RPL24: variants seen among roughly 807,000 people sequenced by gnomAD.
RPL24 encodes ribosomal protein L24, also known as large ribosomal subunit protein eL24.
A neutral mutation model predicts 26.4 loss-of-function variants in RPL24; 7 were observed. The observed-to-expected ratio is 0.27, with a 90% CI of 0.15 to 0.50. The LOEUF is 0.50. RPL24 is among the 20% of genes least tolerant of loss of function. The pLI, the probability that RPL24 is intolerant of heterozygous loss-of-function variation, is 0.98. For missense variants in RPL24, 109 were observed against 194.9 expected, an observed-to-expected ratio of 0.56 and a Z score of 2.62; for synonymous variants, 67 against 65.2, an observed-to-expected ratio of 1.03 and a Z score of -0.13.
chr3:101,686,687 C>G lies in RPL24; in HGVS notation c.-11G>C. 1 of 1,614,172 alleles carries G rather than the reference C, an allele frequency of 6.2e-7. No homozygotes were observed. The highest frequency in any genetic ancestry group is 8.5e-7 in the Non-Finnish European group (1 of 1,180,016). The stretch of plus-strand genomic sequence containing the variant: ...TCGTGCTTACTTCATGGCGACAGCT[C>G]CACGGAAAGACAAAAGATGGCGAAA... On this transcript the variant is annotated 5_prime_UTR_variant, in exon 1 of 6. Transcript: ENST00000394077.
At chr3:101,684,444 AGG>A (rs1433105174) in intron 3 of RPL24, among the ~76,000 whole-genome samples, 1 of 152,166 alleles carries the variant, frequency 6.6e-6, no homozygotes, top group African/African-American at 2.4e-5. Context: ...CTGGGATTAC[AGG>A]CATGTAAGCC....
chr3:101,684,326 C>T lies in RPL24; in HGVS notation c.193-1419G>A, dbSNP rs551836748. Reference sequence around the variant, plus strand: ...GACTACAGGCACCTGCCACCATGTCCGGCTAATTTTTTTTTGTATTTTTAG... The same window carrying T: ...GACTACAGGCACCTGCCACCATGTCTGGCTAATTTTTTTTTGTATTTTTAG... On this transcript the variant is annotated intron_variant, in intron 3 of 5. Coordinates refer to ENST00000394077, the MANE Select transcript of RPL24 (RefSeq NM_000986.4). Among the ~76,000 whole-genome samples, 64 of 152,026 alleles carry T rather than the reference C, an allele frequency of 4.2e-4. 3 individuals are homozygous for T. In the East Asian group the frequency reaches 0.011, roughly 27 times the overall value.
At chr3:101,686,163 C>T in intron 2 of RPL24, 1 of 577,280 alleles carries the variant, frequency 1.7e-6, no homozygotes, top group East Asian at 2.8e-5. Flanking sequence ...TAGCAAAGGA[C>T]AGGGTGGTGC....
At position 101,686,514 on chromosome 3, in the gene RPL24, G is replaced by A. The variant is rs1937345009; in HGVS notation, c.49C>T (p.His17Tyr). 2 of 1,614,212 alleles carry A rather than the reference G, an allele frequency of 1.2e-6. No homozygotes were observed. Among genetic ancestry groups the A allele is most frequent in the Non-Finnish European group, 1.7e-6 (2 of 1,180,020 alleles). Residue 17 changes from histidine to tyrosine, a missense_variant, in exon 2 of 6, where the codon CAC becomes TAC. His to Tyr is a moderately conservative substitution (Grantham distance 83). This residue lies in a region of RPL24 where 69 missense variants were observed against 96.2 expected (regional missense o/e 0.72). Transcript: ENST00000394077. Reference sequence around the variant, plus strand: ...TCGGTCCTGGCGTAGCGCCTCCCGTGTCCGGGGTAGATCTTGTACCCGCTA... The same window carrying A: ...TCGGTCCTGGCGTAGCGCCTCCCGTATCCGGGGTAGATCTTGTACCCGCTA... ...SFSGYKIYPG[H>Y]GRRYARTDGK...
chr3:101,686,110 C>G, intron 2 of RPL24, 182 bp from the exon 3 acceptor site: 1 of 585,622 alleles, frequency 1.7e-6, no homozygotes, highest in Non-Finnish European at 3.0e-6. Flanking sequence ...CTATGAAGGT[C>G]CTTGCGTTTA....
intron 3 of RPL24, among the ~76,000 whole-genome samples, chr3:101,685,356 T>C (rs989990985): frequency 2.0e-5 from 3 of 152,216 alleles, no homozygotes. Flanking sequence ...ATACTAGTCC[T>C]ACCATGGCAC....
At chr3:101,684,134 C>T (rs1001270862) in intron 3 of RPL24, among the ~76,000 whole-genome samples, 1 of 151,824 alleles carries the variant, frequency 6.6e-6, no homozygotes, top group African/African-American at 2.4e-5. Context: ...GCTGGAATTA[C>T]AGGCGTGAGG....
At position 101,686,663 on chromosome 3, in the gene RPL24, CG is replaced by C; in HGVS notation, c.5+8del. The C allele has an allele frequency of 6.8e-6, 11 of 1,614,232 alleles. No homozygotes were observed. The highest frequency in any genetic ancestry group is 9.3e-6 in the Non-Finnish European group (11 of 1,180,034). The stretch of plus-strand genomic sequence containing the variant: ...TGTAAGCGGATTGGGAACCACGGGT[CG>C]TGCTTACTTCATGGCGACAGCTCCA... On this transcript the variant is annotated splice_region_variant and intron_variant, in intron 1 of 5. Transcript: ENST00000394077.
intron 5 of RPL24, 28 bp from the exon 6 acceptor site, chr3:101,681,243 C>T: frequency 6.5e-7 from 1 of 1,542,250 alleles, no homozygotes; most frequent in Non-Finnish European, 9.0e-7. Flanking sequence ...AATATTACTC[C>T]ACAAAACTTT....
At chr3:101,683,706 TC>T (rs374480123) in intron 3 of RPL24, among the ~76,000 whole-genome samples, 33 of 147,520 alleles carry the variant, frequency 2.2e-4, no homozygotes, top group Admixed American at 1.4e-3. Flanking sequence ...GTTTTTCTTT[TC>T]TTTTTTTTTT....
intron 5 of RPL24, 153 bp downstream of exon 5, chr3:101,682,276 G>A (rs912268990): frequency 3.0e-6 from 2 of 665,516 alleles, no homozygotes; most frequent in Non-Finnish European, 5.5e-6. Context: ...TGAGGCAGGA[G>A]TATCACTTGA....
intron 3 of RPL24, among the ~76,000 whole-genome samples, chr3:101,684,477 A>C (rs1412197059): frequency 6.6e-6 from 1 of 152,104 alleles, no homozygotes; most frequent in Non-Finnish European, 1.5e-5. Flanking sequence ...GCCTCATTTT[A>C]ACTTTTTAAA....
chr3:101,683,704 TTTC>T (rs1174382227), intron 3 of RPL24, among the ~76,000 whole-genome samples: 1 of 148,504 alleles, frequency 6.7e-6, no homozygotes, highest in East Asian at 1.9e-4. Context: ...TGGTTTTTCT[TTTC>T]TTTTTTTTTT....
At chr3:101,683,332 G>GT (rs1553781325) in intron 3 of RPL24, among the ~76,000 whole-genome samples, 2 of 152,182 alleles carry the variant, frequency 1.3e-5, no homozygotes, top group Non-Finnish European at 2.9e-5. Flanking sequence ...GTCTGAGAAG[G>GT]TATTGTGGAA....
At chr3:101,683,873 G>A (rs575074794) in intron 3 of RPL24, among the ~76,000 whole-genome samples, 5 of 151,762 alleles carry the variant, frequency 3.3e-5, no homozygotes, top group South Asian at 2.1e-4. Flanking sequence ...CACCACGCCC[G>A]GCTAATTTTT....
intron 3 of RPL24, among the ~76,000 whole-genome samples, chr3:101,683,425 A>C (rs912034130): frequency 2.0e-5 from 3 of 152,238 alleles, no homozygotes; most frequent in Admixed American, 6.5e-5. Flanking sequence ...TTAAGTCAAG[A>C]ACAAAGTATA....
At position 101,686,572 on chromosome 3, in the gene RPL24, G is replaced by C; in HGVS notation, c.6-15C>G. 1 of 1,614,214 alleles carries C rather than the reference G, an allele frequency of 6.2e-7. No individual in the cohort carries two copies. Among genetic ancestry groups the C allele is most frequent in the Non-Finnish European group, 8.5e-7 (1 of 1,180,028 alleles). ...ACAGCTCGACCCTGCAACAAAAAGT[G>C]AAAGTCCATCAGGGAGGGTGTCTAC... is the stretch of plus-strand genomic sequence containing the variant. On this transcript the variant is annotated splice_polypyrimidine_tract_variant and intron_variant, in intron 1 of 5. Transcript: ENST00000394077.
At chr3:101,682,963 G>A in intron 3 of RPL24, 56 bp from the exon 4 acceptor site, 1 of 1,532,468 alleles carries the variant, frequency 6.5e-7, no homozygotes, top group South Asian at 1.2e-5. Context: ...AATTTAGAGG[G>A]AGGAAAAATT....
rs1461406093 is a variant in RPL24 at position 101,682,820 on chromosome 3, T to G, written c.280A>C (p.Arg94=). The G allele has an allele frequency of 8.1e-6, 13 of 1,613,510 alleles. No homozygotes were observed. The highest frequency in any genetic ancestry group is 1.1e-5 in the Non-Finnish European group (13 of 1,179,856). ...GASLADIMAK[R]NQKPEVRKAQ... is the part of the protein sequence containing the mutation. ...TTTCTAACTTCAGGTTTCTGATTCC[T>G]CTTGGCCATTATATCAGCAAGAGAT... Residue 94 remains arginine (R), a synonymous_variant, in exon 4 of 6, where the codon AGG becomes CGG. Coordinates refer to ENST00000394077, the MANE Select transcript of RPL24 (RefSeq NM_000986.4).
Sources: gnomAD v4.1 joint callset for allele counts (sites outside exome capture counted in the v4.1 genomes callset) on GRCh38, gnomAD v4.1.1 for gene constraint, gnomAD v4.1.1 regional missense constraint, MANE v1.5 for transcripts, NCBI Gene and HGNC (gene_info 2026-07-23, HGNC 2026-07-21) for gene names.